LRRC41: variants seen among roughly 807,000 people sequenced by gnomAD.
LRRC41 encodes leucine rich repeat containing 41.
LRRC41 carries 17 observed loss-of-function variants against 72.1 expected under a neutral mutation model. The ratio of observed to expected loss-of-function variants is 0.24; its 90% CI spans 0.16 to 0.35. The LOEUF (loss-of-function observed/expected upper bound fraction) is 0.35, where lower values mean the gene tolerates loss of function less well. LRRC41 is among the 10% of genes least tolerant of loss of function. The pLI, the probability that LRRC41 is intolerant of heterozygous loss-of-function variation, is 1.00. For missense variants in LRRC41, 759 were observed against 1,065.0 expected (o/e 0.71, Z 4.00); for synonymous variants, 427 against 431.0 (o/e 0.99, Z 0.11).
chr1:46,302,902 C>G lies in LRRC41; in HGVS notation c.199+222G>C. On this transcript the variant is annotated intron_variant, in intron 1 of 9. Transcript: ENST00000617190. This position sits in a 1 kb window ranked among gnomAD's most constrained non-coding sequence, Gnocchi z 4.7. ...CCTCCTGGCCTCGCCCCCCGCGCCCCCGAGCCAGGCCGCGGTGCGGGTCAG... is the reference window on the plus strand; with the variant it reads ...CCTCCTGGCCTCGCCCCCCGCGCCCGCGAGCCAGGCCGCGGTGCGGGTCAG... The G allele has an allele frequency of 2.0e-6, 2 of 985,082 alleles. No homozygotes were observed. The highest frequency in any genetic ancestry group is 1.2e-6 in the Non-Finnish European group (1 of 829,802). 61.0% of individuals were successfully genotyped at this position (985,082 alleles called of 1,614,324 possible). A position where few individuals can be genotyped will look rare whatever the true frequency, so the allele number is the denominator to read the frequency against.
At chr1:46,294,122 GT>G (rs917914629) in intron 3 of LRRC41, among the ~76,000 whole-genome samples, 8 of 151,192 alleles carry the variant, frequency 5.3e-5, no homozygotes, top group African/African-American at 1.9e-4. Context: ...CTTTTTTGTT[GT>G]TTTTGTTTTA....
intron 7 of LRRC41, 52 bp downstream of exon 7, chr1:46,280,140 A>T: frequency 7.2e-7 from 1 of 1,380,748 alleles, no homozygotes; most frequent in Non-Finnish European, 1.0e-6. Context: ...AGATTATGGC[A>T]GAACCATAGT....
chr1:46,278,493 G>C lies in LRRC41; in HGVS notation c.*372C>G. The C allele has an allele frequency of 1.5e-6, 1 of 666,646 alleles. No individual in the cohort carries two copies. Among genetic ancestry groups the C allele is most frequent in the South Asian group, 1.9e-5 (1 of 51,914 alleles). 41.3% of individuals were successfully genotyped at this position (666,646 alleles called of 1,614,324 possible). On this transcript the variant is annotated 3_prime_UTR_variant, in exon 10 of 10. Coordinates refer to ENST00000617190, the MANE Select transcript of LRRC41 (RefSeq NM_006369.5). ...AGGGTTTGAGGCCTGAGAGCAGTGT[G>C]GTAAGCCCAGCAGGGAAGAAGCCCC...
At chr1:46,284,519 A>T (rs1425791172) in intron 4 of LRRC41, 1 of 152,108 alleles carries the variant, frequency 6.6e-6, no homozygotes, top group Non-Finnish European at 1.5e-5. Flanking sequence ...TCAAACTGGT[A>T]ATTTTTATAT....
At chr1:46,282,530 TAC>T (rs1660800643) in intron 4 of LRRC41, among the ~76,000 whole-genome samples, 4 of 152,286 alleles carry the variant, frequency 2.6e-5, no homozygotes, top group African/African-American at 9.6e-5. Context: ...GGGAATAAAG[TAC>T]TATGAAATTA....
At chr1:46,295,746 T>C (rs1661110942) in intron 3 of LRRC41, among the ~76,000 whole-genome samples, 1 of 152,224 alleles carries the variant, frequency 6.6e-6, no homozygotes, top group Admixed American at 6.5e-5. Flanking sequence ...ACAAAGTGAA[T>C]CTGATGTTTC....
intron 3 of LRRC41, among the ~76,000 whole-genome samples, chr1:46,295,493 A>C (rs905287213): frequency 6.6e-6 from 1 of 152,234 alleles, no homozygotes; most frequent in Non-Finnish European, 1.5e-5. Flanking sequence ...CAGGCACTGA[A>C]TAACTGTTTG....
Position 46,277,791 on chromosome 1 carries a change from G to T in LRRC41, c.*1074C>A. ...AGGATGGCTAAGCGCTGTATCTTTT[G>T]ACATTCCCCACCTCCTCTTCCCCAG... On this transcript the variant is annotated 3_prime_UTR_variant, in exon 10 of 10. Coordinates refer to ENST00000617190, the MANE Select transcript of LRRC41 (RefSeq NM_006369.5). 1.9e-6 allele frequency: 3 copies of T among 1,585,436 alleles called. No individual in the cohort carries two copies. The highest frequency in any genetic ancestry group is 2.2e-5 in the South Asian group (2 of 90,430).
At chr1:46,297,395 A>T (rs1394532511) in intron 3 of LRRC41, 168 bp downstream of exon 3, 2 of 538,080 alleles carry the variant, frequency 3.7e-6, no homozygotes, top group Non-Finnish European at 6.7e-6. Context: ...CAATTCAGTG[A>T]CAAATGCCAA....
At chr1:46,280,364 C>A in intron 6 of LRRC41, 32 bp downstream of exon 6, 1 of 1,614,078 alleles carries the variant, frequency 6.2e-7, no homozygotes, top group Non-Finnish European at 8.5e-7. Context: ...CCCACCTACT[C>A]CTCTCCCTTC....
intron 7 of LRRC41, among the ~76,000 whole-genome samples, 187 bp downstream of exon 7, chr1:46,280,005 G>A (rs545381807): frequency 2.0e-5 from 3 of 152,316 alleles, no homozygotes; most frequent in South Asian, 4.1e-4. Context: ...CTAAAAGAGC[G>A]ATTTCTCATG....
chr1:46,289,071 A>G (rs532632470), intron 3 of LRRC41, among the ~76,000 whole-genome samples: 15 of 152,342 alleles, frequency 9.8e-5, no homozygotes, highest in African/African-American at 3.1e-4. Context: ...TTCTGGCTAT[A>G]AGAGGCACAG....
chr1:46,302,331 T>C lies in LRRC41; in HGVS notation c.199+793A>G, dbSNP rs1661253411. The C allele has an allele frequency of 2.0e-6, 2 of 985,148 alleles. No individual in the cohort carries two copies. Among genetic ancestry groups the C allele is most frequent in the Non-Finnish European group, 2.4e-6 (2 of 829,906 alleles). The allele number at this position is 985,148 out of a possible 1,614,324, so 61.0% of individuals were successfully genotyped here. A position where few individuals can be genotyped will look rare whatever the true frequency, so the allele number is the denominator to read the frequency against. On this transcript the variant is annotated intron_variant, in intron 1 of 9. Coordinates refer to ENST00000617190, the MANE Select transcript of LRRC41 (RefSeq NM_006369.5). This position sits in a 1 kb window ranked among gnomAD's most constrained non-coding sequence, Gnocchi z 4.7. ...CCGTCATTCGAGCCTCCCTCGCTTG[T>C]TTAAGCCGCTCCGGGCCCCCCTCCA...
chr1:46,300,001 T>G (rs1244642157), intron 1 of LRRC41: 1 of 152,200 alleles, frequency 6.6e-6, no homozygotes, highest in Non-Finnish European at 1.5e-5. Flanking sequence ...TCGCTAAATG[T>G]TGGTGGTTAT....
chr1:46,287,276 T>G (rs924100245), intron 3 of LRRC41, among the ~76,000 whole-genome samples: 2 of 151,938 alleles, frequency 1.3e-5, no homozygotes, highest in African/African-American at 4.8e-5. Flanking sequence ...GCCAGGCTAA[T>G]TTTTTGTATT....
Position 46,303,384 on chromosome 1 carries a change from A to G in LRRC41, c.-62T>C, listed in dbSNP as rs112330696. On this transcript the variant is annotated 5_prime_UTR_variant, in exon 1 of 10. Transcript: ENST00000617190. ...GGACCGCCATCTTGAAAAGGTCAGC[A>G]GTTAGGACGGCTCCATAAGCGATAT... 2.9e-6 allele frequency: 4 copies of G among 1,403,248 alleles called. No homozygotes were observed. Among genetic ancestry groups the G allele is most frequent in the African/African-American group, 2.9e-5 (2 of 68,450 alleles). 86.9% of individuals were successfully genotyped at this position (1,403,248 alleles called of 1,614,324 possible).
In LRRC41 at chr1:46,303,107, CT is replaced by C; in HGVS notation, c.199+16del. 3 of 1,384,372 alleles carry C rather than the reference CT, an allele frequency of 2.2e-6. No homozygotes were observed. The highest frequency in any genetic ancestry group is 1.9e-6 in the Non-Finnish European group (2 of 1,070,412). The allele number at this position is 1,384,372 out of a possible 1,614,324, so 85.8% of individuals were successfully genotyped here. ...CCTTGCTCTTAGCCAGAGGTAGCCC[CT>C]CACCCCGCGACTTACCCCACACCCC... On this transcript the variant is annotated intron_variant, in intron 1 of 9. Coordinates refer to ENST00000617190, the MANE Select transcript of LRRC41 (RefSeq NM_006369.5).
chr1:46,293,368 T>C (rs1194001721), intron 3 of LRRC41, among the ~76,000 whole-genome samples: 2 of 151,606 alleles, frequency 1.3e-5, no homozygotes, highest in Non-Finnish European at 1.5e-5. Flanking sequence ...GCCTCCCTAA[T>C]AGCTGGGACT....
chr1:46,285,669 C>T lies in LRRC41; in HGVS notation c.1188G>A (p.Gly396=). 1.2e-6 allele frequency: 2 copies of T among 1,614,142 alleles called. No individual in the cohort carries two copies. Among genetic ancestry groups the T allele is most frequent in the South Asian group, 1.1e-5 (1 of 91,062 alleles). ...KPLKRFKRAA[G]KKGARTRQGP... ...CCTGACGGGTGCGAGCACCCTTCTT[C>T]CCTGCAGCTCGCTTGAAACGCTTTA... Residue 396 remains glycine, a synonymous_variant, in exon 4 of 10, where the codon GGG becomes GGA. Coordinates refer to ENST00000617190, the MANE Select transcript of LRRC41 (RefSeq NM_006369.5). This position sits in a 1 kb window ranked among gnomAD's most constrained non-coding sequence, Gnocchi z 5.3.
Sources: gnomAD v4.1 joint callset for allele counts (sites outside exome capture counted in the v4.1 genomes callset) on GRCh38, gnomAD v4.1.1 for gene constraint, Gnocchi (gnomAD v3.1) non-coding constraint, MANE v1.5 for transcripts, NCBI Gene and HGNC (gene_info 2026-07-23, HGNC 2026-07-21) for gene names.